IL12B: variants seen among roughly 807,000 people sequenced by gnomAD.
The protein encoded by IL12B is interleukin 12B, also known as interleukin-12 subunit beta.
IL12B carries 27 observed loss-of-function variants against 39.2 expected under a neutral mutation model. The observed-to-expected ratio is 0.69, with a 90% CI of 0.51 to 0.95. The LOEUF (loss-of-function observed/expected upper bound fraction) is 0.95, where lower values mean the gene tolerates loss of function less well. Among genes scored for constraint, IL12B ranks in the 40% least tolerant of loss-of-function variants. IL12B has a pLI of 0.00. For missense variants in IL12B, 351 were observed against 397.6 expected (o/e 0.88, Z 1.00); for synonymous variants, 142 against 152.1 (o/e 0.93, Z 0.49).
Position 159,322,402 on chromosome 5 carries a change from G to A in IL12B, c.474C>T (p.Ser158=), listed in dbSNP as rs1267285689. 4 of 1,598,922 alleles carry A rather than the reference G, an allele frequency of 2.5e-6. No individual in the cohort carries two copies. In the South Asian group the frequency reaches 4.4e-5, roughly 18 times the overall value. ...ISTDLTFSVK[S]SRGSSDPQGV... is the part of the protein sequence containing the mutation. ...AGAGCAGTTTCACTCACCCTCTGCT[G>A]CTTTTGACACTGAATGTCAAATCAG... Residue 158 remains serine, a synonymous_variant, in exon 4 of 8, where the codon AGC becomes AGT. Coordinates refer to ENST00000231228, the MANE Select transcript of IL12B (RefSeq NM_002187.3).
intron 2 of IL12B, among the ~76,000 whole-genome samples, chr5:159,324,282 T>C (rs534790245): frequency 6.6e-6 from 1 of 152,322 alleles, no homozygotes; most frequent in South Asian, 2.1e-4. Flanking sequence ...AAGGGATGCC[T>C]AATGCTAGTG....
At chr5:159,323,502 G>C (rs1416032419) in intron 2 of IL12B, among the ~76,000 whole-genome samples, 173 bp from the exon 3 acceptor site, 1 of 152,200 alleles carries the variant, frequency 6.6e-6, no homozygotes, top group Non-Finnish European at 1.5e-5. Flanking sequence ...TGGGCTCAAG[G>C]TCATGGAAAA....
In IL12B at chr5:159,320,482, G is replaced by A. The variant is rs1468851549; in HGVS notation, c.521C>T (p.Thr174Ile). ...CCCTCTGACTCTCTCTGCAGAGAGT[G>A]TAGCAGCTCCGCACGTCACCCCTTG... is the stretch of plus-strand genomic sequence containing the variant. Reference protein sequence around the residue: ...DPQGVTCGAATLSAERVRGDN... With the variant: ...DPQGVTCGAAILSAERVRGDN... Residue 174 changes from threonine (T) to isoleucine (I), a missense_variant, in exon 5 of 8, where the codon ACA becomes ATA. Physicochemically the swap from Thr to Ile is moderately conservative, Grantham distance 89. Transcript: ENST00000231228. 1 of 1,614,124 alleles carries A rather than the reference G, an allele frequency of 6.2e-7. No homozygotes were observed. The highest frequency in any genetic ancestry group is 8.5e-7 in the Non-Finnish European group (1 of 1,179,946).
intron 1 of IL12B, among the ~76,000 whole-genome samples, chr5:159,328,993 AGTCTT>A (rs998915540): frequency 2.6e-5 from 4 of 152,148 alleles, no homozygotes; most frequent in African/African-American, 9.7e-5. Context: ...TAAGTCTGAG[AGTCTT>A]GATGATTAAA....
At chr5:159,326,158 A>C (rs1317796118) in intron 2 of IL12B, among the ~76,000 whole-genome samples, 1 of 152,234 alleles carries the variant, frequency 6.6e-6, no homozygotes, top group Non-Finnish European at 1.5e-5. Flanking sequence ...TCCAGTTTAC[A>C]GTTGAGGAAA....
At chr5:159,324,818 T>A (rs1018597039) in intron 2 of IL12B, among the ~76,000 whole-genome samples, 4 of 152,256 alleles carry the variant, frequency 2.6e-5, no homozygotes, top group Non-Finnish European at 5.9e-5. Context: ...GGCCTCTGGA[T>A]GTAAAGCATT....
chr5:159,324,508 G>A (rs1217966018), intron 2 of IL12B, among the ~76,000 whole-genome samples: 3 of 152,210 alleles, frequency 2.0e-5, no homozygotes, highest in Non-Finnish European at 4.4e-5. Flanking sequence ...GAAACCTTGG[G>A]ATGGATTTAG....
At chr5:159,319,037 T>C (rs1455091324) in intron 5 of IL12B, 144 bp from the exon 6 acceptor site, 6 of 755,188 alleles carry the variant, frequency 7.9e-6, no homozygotes, top group Non-Finnish European at 1.4e-5. Context: ...GGCTGGCAAA[T>C]GTGAGGCACC....
At chr5:159,320,999 TCTC>T (rs1480091193) in intron 4 of IL12B, among the ~76,000 whole-genome samples, 9 of 136,140 alleles carry the variant, frequency 6.6e-5, no homozygotes, top group Admixed American at 5.4e-4. Context: ...TCTCTCTCTC[TCTC>T]TCTTTTTTTT....
intron 2 of IL12B, among the ~76,000 whole-genome samples, chr5:159,325,208 C>A (rs1164915106): frequency 6.6e-6 from 1 of 152,150 alleles, no homozygotes; most frequent in Non-Finnish European, 1.5e-5. Context: ...CTGTGGTTTA[C>A]CAAATCAGAA....
chr5:159,323,762 G>A (rs563930407), intron 2 of IL12B, among the ~76,000 whole-genome samples: 16 of 152,154 alleles, frequency 1.1e-4, no homozygotes, highest in Non-Finnish European at 1.6e-4. Context: ...CGAGAACAAC[G>A]AACCAAGACT....
intron 1 of IL12B, among the ~76,000 whole-genome samples, chr5:159,327,813 T>C (rs1311590433): frequency 6.6e-6 from 1 of 152,220 alleles, no homozygotes; most frequent in African/African-American, 2.4e-5. Context: ...CATAATTTTA[T>C]GTTAAATAAG....
intron 1 of IL12B, among the ~76,000 whole-genome samples, chr5:159,327,509 A>T (rs1754211816): frequency 6.6e-6 from 1 of 152,216 alleles, no homozygotes; most frequent in African/African-American, 2.4e-5. Context: ...ACTCTCTCCC[A>T]TATAGAGAAC....
chr5:159,322,668 T>A (rs1754113081), intron 3 of IL12B, among the ~76,000 whole-genome samples, 157 bp from the exon 4 acceptor site: 1 of 152,142 alleles, frequency 6.6e-6, no homozygotes, highest in Non-Finnish European at 1.5e-5. Flanking sequence ...CCCAGTGGGG[T>A]GTTGATTCTG....
intron 1 of IL12B, among the ~76,000 whole-genome samples, chr5:159,329,325 G>A (rs1157737971): frequency 6.6e-6 from 1 of 152,184 alleles, no homozygotes; most frequent in East Asian, 1.9e-4. Flanking sequence ...CTCTGGGTGA[G>A]TCACTTGGCC....
intron 2 of IL12B, among the ~76,000 whole-genome samples, chr5:159,326,304 C>T (rs1584756470): frequency 6.6e-6 from 1 of 152,180 alleles, no homozygotes; most frequent in Non-Finnish European, 1.5e-5. Context: ...CATCACAGTG[C>T]CAACTGAGGG....
At chr5:159,329,239 A>G (rs769009971) in intron 1 of IL12B, among the ~76,000 whole-genome samples, 1 of 152,150 alleles carries the variant, frequency 6.6e-6, no homozygotes, top group Non-Finnish European at 1.5e-5. Context: ...ATAAAAAGAT[A>G]TAGTCACAGA....
Position 159,323,317 on chromosome 5 carries a change from T to C in IL12B, c.101A>G (p.Glu34Gly). 6.2e-7 allele frequency: 1 copy of C among 1,614,044 alleles called. No homozygotes were observed. ...WELKKDVYVV[E>G]LDWYPDAPGE... ...AGGGGCATCCGGATACCAATCCAATTCTACGACATAAACTGGAATGCACAT... is the reference window on the plus strand; with the variant it reads ...AGGGGCATCCGGATACCAATCCAATCCTACGACATAAACTGGAATGCACAT... Residue 34 changes from glutamate to glycine, a missense_variant, in exon 3 of 8, where the codon GAA becomes GGA. Transcript: ENST00000231228.
At chr5:159,320,195 A>T in intron 5 of IL12B, 111 bp downstream of exon 5, 1 of 909,032 alleles carries the variant, frequency 1.1e-6, no homozygotes, top group Non-Finnish European at 1.8e-6. Context: ...TGGATGCAGA[A>T]TAAAAGAGAT....
Sources: allele counts gnomAD v4.1 joint callset (sites outside exome capture counted in the v4.1 genomes callset), GRCh38; gene constraint gnomAD v4.1.1; transcripts MANE v1.5; gene names NCBI Gene and HGNC (gene_info 2026-07-23, HGNC 2026-07-21).